The following ACSF3 variants were observed in gnomAD, a reference collection of about 807,000 sequenced individuals.
ACSF3 encodes the protein malonate--CoA ligase ACSF3, mitochondrial.
Under a neutral mutation model 53.2 loss-of-function variants are expected in ACSF3, and 78 were observed. That is an observed-to-expected ratio of 1.47 (90% CI 1.22 to 1.77). The LOEUF (loss-of-function observed/expected upper bound fraction) is 1.77. ACSF3 is among the 40% of genes most tolerant of loss of function. The probability of loss-of-function intolerance (pLI) is 0.00; values close to 1 mark genes in which losing one functional copy is unlikely to be tolerated. For synonymous variants in ACSF3, 414 were observed against 333.1 expected, an observed-to-expected ratio of 1.24 and a Z score of -2.65; for missense variants, 937 against 771.1, an observed-to-expected ratio of 1.22 and a Z score of -2.55.
In ACSF3 at chr16:89,100,784, G is replaced by T; in HGVS notation, c.103G>T (p.Ala35Ser). The T allele has an allele frequency of 6.2e-7, 1 of 1,611,300 alleles. No individual in the cohort carries two copies. The change falls in exon 3 of 11, where the codon GCC becomes TCC. Residue 35 changes from alanine (A) to serine (S), a missense_variant. Physicochemically the swap from Ala to Ser is moderately conservative, Grantham distance 99. Coordinates refer to ENST00000614302, the MANE Select transcript of ACSF3 (RefSeq NM_001243279.3). ...RHRGSGLLHT[A>S]PVARSDRSAP... ...CAGAGGAAGTGGTCTTCTGCACACA[G>T]CCCCAGTGGCCCGCTCGGACAGGAG...
At chr16:89,123,367 C>T (rs764595079) in intron 7 of ACSF3, among the ~76,000 whole-genome samples, 5 of 152,210 alleles carry the variant, frequency 3.3e-5, no homozygotes, top group African/African-American at 7.2e-5. Context: ...CCCCACCCCA[C>T]GCTCACACTC....
chr16:89,107,878 T>C (rs902506331), intron 4 of ACSF3, among the ~76,000 whole-genome samples: 7 of 152,140 alleles, frequency 4.6e-5, no homozygotes, highest in African/African-American at 1.7e-4. Context: ...GGTACCAATT[T>C]ACTGTATTAG....
chr16:89,137,910 G>C (rs904487025), intron 8 of ACSF3, among the ~76,000 whole-genome samples: 1 of 152,176 alleles, frequency 6.6e-6, no homozygotes, highest in African/African-American at 2.4e-5. Context: ...AGGAGCAAGA[G>C]TCCGCTGCTT....
At chr16:89,094,178 C>T (rs1048877993) in intron 1 of ACSF3, among the ~76,000 whole-genome samples, 182 bp downstream of exon 1, 2 of 151,780 alleles carry the variant, frequency 1.3e-5, no homozygotes, top group Admixed American at 6.5e-5. Flanking sequence ...CCGAGCCTCT[C>T]GTGTCCGGTG....
At chr16:89,117,388 G>C (rs528735006) in intron 6 of ACSF3, among the ~76,000 whole-genome samples, 1 of 152,192 alleles carries the variant, frequency 6.6e-6, no homozygotes, top group Admixed American at 6.5e-5. Flanking sequence ...CCTCACTAGA[G>C]AAGATGGACA....
chr16:89,119,356 T>C (rs1004099292), intron 6 of ACSF3, among the ~76,000 whole-genome samples: 3 of 152,180 alleles, frequency 2.0e-5, no homozygotes, highest in Admixed American at 6.5e-5. Flanking sequence ...CCTCTTCTTA[T>C]GAAACGCCCA....
intron 10 of ACSF3, chr16:89,149,344 T>C (rs1000074593): frequency 3.3e-5 from 5 of 152,240 alleles, no homozygotes; most frequent in Admixed American, 6.5e-5. Context: ...CCCACTTCCC[T>C]GTACCAGTTT....
At chr16:89,104,135 C>T (rs1975691898) in intron 4 of ACSF3, among the ~76,000 whole-genome samples, 2 of 152,196 alleles carry the variant, frequency 1.3e-5, no homozygotes, top group Admixed American at 6.5e-5. Flanking sequence ...ACACGGTGTG[C>T]GTATGTCACA....
chr16:89,100,577 A>C, intron 2 of ACSF3, 85 bp from the exon 3 acceptor site: 2 of 1,313,158 alleles, frequency 1.5e-6, no homozygotes, highest in Non-Finnish European at 2.1e-6. Context: ...CTGGCTGGGT[A>C]CTGGGGAGGT....
chr16:89,096,445 G>A (rs1974625921), intron 1 of ACSF3, among the ~76,000 whole-genome samples: 1 of 152,186 alleles, frequency 6.6e-6, no homozygotes, highest in East Asian at 1.9e-4. Flanking sequence ...GGCTCTGTCT[G>A]CGTGTTCGAG....
chr16:89,151,345 C>A (rs149519883), intron 10 of ACSF3: 116 of 395,990 alleles, frequency 2.9e-4, no homozygotes, highest in African/African-American at 2.3e-3. Context: ...CCAGACACAG[C>A]AAAGTAAGTC....
chr16:89,153,232 G>C (rs1914319371), intron 10 of ACSF3: 1 of 152,830 alleles, frequency 6.5e-6, no homozygotes, highest in South Asian at 2.1e-4. Flanking sequence ...TCCTGCGCCT[G>C]GGCCACGGCC....
chr16:89,114,540 C>G, intron 6 of ACSF3, 53 bp downstream of exon 6: 4 of 1,601,980 alleles, frequency 2.5e-6, no homozygotes, highest in Non-Finnish European at 3.4e-6. Flanking sequence ...CTGAGCCCCC[C>G]AAGGTGGGCC....
At chr16:89,110,731 G>C (rs1159293112) in intron 4 of ACSF3, among the ~76,000 whole-genome samples, 1 of 152,200 alleles carries the variant, frequency 6.6e-6, no homozygotes, top group Admixed American at 6.5e-5. Flanking sequence ...TTTGAAGCTG[G>C]AGCTCAGTGT....
intron 10 of ACSF3, chr16:89,149,644 G>A (rs1234056711): frequency 6.6e-6 from 1 of 152,256 alleles, no homozygotes; most frequent in African/African-American, 2.4e-5. Context: ...ATTTTATTGA[G>A]CAATGAAACA....
At chr16:89,139,374 C>G (rs1389547590) in intron 8 of ACSF3, among the ~76,000 whole-genome samples, 1 of 152,128 alleles carries the variant, frequency 6.6e-6, no homozygotes, top group African/African-American at 2.4e-5. Flanking sequence ...GGACTGCTTT[C>G]CCCTGGGGCT....
chr16:89,122,162 G>T (rs1449193045), intron 7 of ACSF3, among the ~76,000 whole-genome samples: 1 of 82,442 alleles, frequency 1.2e-5, no homozygotes, highest in Non-Finnish European at 2.8e-5. Flanking sequence ...TGGCCCTGAA[G>T]TGGGTATTCT....
intron 7 of ACSF3, among the ~76,000 whole-genome samples, chr16:89,129,079 C>T (rs1908762898): frequency 6.6e-6 from 1 of 152,208 alleles, no homozygotes; most frequent in African/African-American, 2.4e-5. Flanking sequence ...CTGCAGTGAG[C>T]TGTGATGATG....
rs1184480709 is a variant in ACSF3 at position 89,101,117 on chromosome 16, G to A, written c.436G>A (p.Val146Ile). Residue 146 changes from valine (V) to isoleucine (I), a missense_variant, in exon 3 of 11, where the codon GTC becomes ATC. Coordinates refer to ENST00000614302, the MANE Select transcript of ACSF3 (RefSeq NM_001243279.3). ...YVICDSQSSVVLASQEYLELL... is the reference protein window; with the variant it reads ...YVICDSQSSVILASQEYLELL... The stretch of plus-strand genomic sequence containing the variant: ...CATCTGCGACTCCCAGAGCTCTGTG[G>A]TCCTTGCCAGCCAGGAGTACCTGGA... The A allele has an allele frequency of 6.2e-7, 1 of 1,613,952 alleles. No homozygotes were observed. The highest frequency in any genetic ancestry group is 2.2e-5 in the East Asian group (1 of 44,888).
Sources: gnomAD v4.1 joint callset for allele counts (sites outside exome capture counted in the v4.1 genomes callset) on GRCh38, gnomAD v4.1.1 for gene constraint, MANE v1.5 for transcripts, NCBI Gene and HGNC (gene_info 2026-07-23, HGNC 2026-07-21) for gene names.